SH3BGRL: variants seen among roughly 807,000 people sequenced by gnomAD.
SH3BGRL encodes adapter SH3BGRL.
Under a neutral mutation model 9.8 loss-of-function variants are expected in SH3BGRL, and 7 were observed. That is an observed-to-expected ratio of 0.72 (90% CI 0.41 to 1.35). The LOEUF (loss-of-function observed/expected upper bound fraction) is 1.35. SH3BGRL is among the 40% of genes most tolerant of loss of function. SH3BGRL has a pLI of 0.01. For synonymous variants in SH3BGRL, 36 were observed against 29.1 expected, an observed-to-expected ratio of 1.24 and a Z score of -0.76; for missense variants, 73 against 84.4, an observed-to-expected ratio of 0.86 and a Z score of 0.53.
chrX:81,208,373 G>T (rs192531692), intron 1 of SH3BGRL, among the ~76,000 whole-genome samples: 4 of 112,235 alleles, frequency 3.6e-5, no homozygotes, highest in East Asian at 2.8e-4. Context: ...CCTCCACCAG[G>T]GTTAGCCTAG....
chrX:81,268,784 G>T (rs1168195133), intron 1 of SH3BGRL, among the ~76,000 whole-genome samples: 2 of 111,352 alleles, frequency 1.8e-5, no homozygotes, highest in Non-Finnish European at 3.8e-5. Flanking sequence ...TTAATTTTAT[G>T]TCTCATTGAT....
rs780823888 is a variant in SH3BGRL at position 81,297,461 on chromosome X, A to T, written c.*234A>T. 1 of 305,026 alleles carries T rather than the reference A, an allele frequency of 3.3e-6. No homozygotes were observed. The highest frequency in any genetic ancestry group is 5.6e-5 in the East Asian group (1 of 17,990). The allele number at this position is 305,026 out of a possible 1,213,427, so 25.1% of individuals were successfully genotyped here. On this transcript the variant is annotated 3_prime_UTR_variant, in exon 4 of 4. Coordinates refer to ENST00000373212, the MANE Select transcript of SH3BGRL (RefSeq NM_003022.3). Reference sequence around the variant, plus strand: ...AATTATATTAATAAGTAGATATCGTAGAAATAGTGTTGTTACCTGCCAAGC... The same window carrying T: ...AATTATATTAATAAGTAGATATCGTTGAAATAGTGTTGTTACCTGCCAAGC...
chrX:81,204,813 C>T (rs1473584145), intron 1 of SH3BGRL, among the ~76,000 whole-genome samples: 1 of 112,181 alleles, frequency 8.9e-6, no homozygotes, highest in Admixed American at 9.4e-5. Context: ...CAGAGCGAGA[C>T]TTTCTCTCAA....
chrX:81,227,340 C>T (rs1291436411), intron 1 of SH3BGRL, among the ~76,000 whole-genome samples: 1 of 111,887 alleles, frequency 8.9e-6, no homozygotes, highest in Non-Finnish European at 1.9e-5. Flanking sequence ...AGTTAGTTTC[C>T]TATTTAACAG....
intron 3 of SH3BGRL, among the ~76,000 whole-genome samples, chrX:81,294,619 G>A (rs1288840013): frequency 9.0e-6 from 1 of 111,328 alleles, no homozygotes; most frequent in African/African-American, 3.3e-5. Flanking sequence ...GAAGGGAAAT[G>A]TGGAGTTGGA....
In SH3BGRL at chrX:81,209,002, G is replaced by GTT. The variant is rs11322797; in HGVS notation, c.45+6779_45+6780dup. 2.4e-3 allele frequency among the ~76,000 whole-genome samples: 131 copies of GTT among 54,590 alleles called. 1 individual carries two copies. Among genetic ancestry groups the GTT allele is most frequent in the African/African-American group, 7.9e-3 (124 of 15,637 alleles). 47.4% of individuals were successfully genotyped at this position (54,590 alleles called of 115,157 possible). ...ATTGCCCTTTCGTTAGCATAACTAA[G>GTT]TTTTTTTTTTTTTTTTTTTTTTTAA... is the stretch of plus-strand genomic sequence containing the variant. On this transcript the variant is annotated intron_variant, in intron 1 of 3. Coordinates refer to ENST00000373212, the MANE Select transcript of SH3BGRL (RefSeq NM_003022.3).
intron 1 of SH3BGRL, among the ~76,000 whole-genome samples, chrX:81,275,851 A>G (rs1012488979): frequency 1.8e-5 from 2 of 111,963 alleles, no homozygotes; most frequent in African/African-American, 6.5e-5. Flanking sequence ...TTTAATCACA[A>G]TCACGAGCAA....
At chrX:81,214,536 T>A (rs1289675140) in intron 1 of SH3BGRL, among the ~76,000 whole-genome samples, 1 of 111,925 alleles carries the variant, frequency 8.9e-6, no homozygotes, top group African/African-American at 3.3e-5. Context: ...CACCATAGAA[T>A]CAACTTTAAA....
At chrX:81,241,721 C>T (rs2075670485) in intron 1 of SH3BGRL, among the ~76,000 whole-genome samples, 1 of 111,907 alleles carries the variant, frequency 8.9e-6, no homozygotes, top group Non-Finnish European at 1.9e-5. Context: ...TTAGGGGGTC[C>T]CCGAGCCAGA....
In SH3BGRL at chrX:81,240,440, C is replaced by T. The variant is rs1488691096; in HGVS notation, c.46-36544C>T. On this transcript the variant is annotated intron_variant, in intron 1 of 3. Transcript: ENST00000373212. ...TCTGAAAAAGAAATAAAAAATTAAT[C>T]CCATTTACAATAGCCAGAAATAAAA... Among the ~76,000 whole-genome samples, 4 of 112,092 alleles carry T rather than the reference C, an allele frequency of 3.6e-5. No individual in the cohort carries two copies. The South Asian group carries it at 1.5e-3, about 42-fold the overall frequency.
At chrX:81,224,921 G>A (rs1313073177) in intron 1 of SH3BGRL, among the ~76,000 whole-genome samples, 2 of 109,965 alleles carry the variant, frequency 1.8e-5, no homozygotes, top group Non-Finnish European at 3.8e-5. Flanking sequence ...CACGAAGGAG[G>A]CGCTATTTCT....
intron 3 of SH3BGRL, among the ~76,000 whole-genome samples, chrX:81,279,915 G>A (rs1453131863): frequency 1.8e-5 from 2 of 111,678 alleles, no homozygotes; most frequent in South Asian, 3.7e-4. Context: ...TTTCGCAGCT[G>A]GGAGGTGGAT....
At chrX:81,251,927 T>G (rs2075712147) in intron 1 of SH3BGRL, among the ~76,000 whole-genome samples, 1 of 111,947 alleles carries the variant, frequency 8.9e-6, no homozygotes, top group Admixed American at 9.5e-5. Flanking sequence ...ACACTTCCAC[T>G]TGTTTTTATA....
At chrX:81,267,805 T>C (rs1449840566) in intron 1 of SH3BGRL, among the ~76,000 whole-genome samples, 1 of 111,614 alleles carries the variant, frequency 9.0e-6, no homozygotes. Context: ...AGCTCCTCTT[T>C]GTACCTCGAG....
At chrX:81,209,110 C>T (rs1023466076) in intron 1 of SH3BGRL, among the ~76,000 whole-genome samples, 3 of 105,867 alleles carry the variant, frequency 2.8e-5, no homozygotes, top group East Asian at 2.9e-4. Context: ...CAGGCTCAAG[C>T]GATCTTCCTG....
chrX:81,260,963 A>G (rs763534099), intron 1 of SH3BGRL, among the ~76,000 whole-genome samples: 8 of 111,263 alleles, frequency 7.2e-5, no homozygotes, highest in Non-Finnish European at 1.3e-4. Flanking sequence ...AATTGTGTAC[A>G]TACTCATTTG....
At chrX:81,287,714 A>T in intron 3 of SH3BGRL, among the ~76,000 whole-genome samples, 1 of 110,342 alleles carries the variant, frequency 9.1e-6, no homozygotes, top group South Asian at 3.9e-4. Flanking sequence ...TGACGGGTTG[A>T]CGGGTGCAGC....
chrX:81,245,805 CT>C (rs1004381437), intron 1 of SH3BGRL, among the ~76,000 whole-genome samples: 44 of 111,656 alleles, frequency 3.9e-4, no homozygotes, highest in South Asian at 2.3e-3. Context: ...GTAAGTGTGT[CT>C]TTTTGGTCGA....
chrX:81,239,864 G>A lies in SH3BGRL; in HGVS notation c.46-37120G>A, dbSNP rs140613312. Among the ~76,000 whole-genome samples the A allele has an allele frequency of 4.9e-4, 55 of 111,491 alleles. No individual in the cohort carries two copies. In the East Asian group the frequency reaches 5.9e-3, roughly 12 times the overall value. On this transcript the variant is annotated intron_variant, in intron 1 of 3. Coordinates refer to ENST00000373212, the MANE Select transcript of SH3BGRL (RefSeq NM_003022.3). ...CTTACAGACCGGGAGAGAGTGGGAC[G>A]ATATATTTAAAGTACTGAAGGAGAA...
Sources: gnomAD v4.1 joint callset for allele counts (sites outside exome capture counted in the v4.1 genomes callset) on GRCh38, gnomAD v4.1.1 for gene constraint, MANE v1.5 for transcripts, NCBI Gene and HGNC (gene_info 2026-07-23, HGNC 2026-07-21) for gene names.